The following AGBL4 variants were observed in gnomAD, a reference collection of about 807,000 sequenced individuals.
The protein encoded by AGBL4 is AGBL carboxypeptidase 4.
AGBL4 carries 58 observed loss-of-function variants against 66.4 expected under a neutral mutation model. The observed-to-expected ratio is 0.87, with a 90% CI of 0.71 to 1.09. The LOEUF is 1.09. Among genes scored for constraint, AGBL4 ranks in the 50% least tolerant of loss-of-function variants. The pLI is 0.00. For synonymous variants in AGBL4, 234 were observed against 222.9 expected (o/e 1.05, Z -0.44); for missense variants, 579 against 631.0 (o/e 0.92, Z 0.88).
rs370063420 is a variant in AGBL4, at chr1:49,332,679, A to G, written c.283-86815T>C. ...GTGAATCTTAGTAACATCAAGTTTAACAAGCCAGTTTCAGAAGAGTAATTA... is the reference window on the plus strand; with the variant it reads ...GTGAATCTTAGTAACATCAAGTTTAGCAAGCCAGTTTCAGAAGAGTAATTA... On this transcript the variant is annotated intron_variant, in intron 3 of 13. Transcript: ENST00000371839. Among the ~76,000 whole-genome samples, 52 of 152,352 alleles carry G rather than the reference A, an allele frequency of 3.4e-4. 1 individual carries two copies. The South Asian group carries it at 9.7e-3, about 29-fold the overall frequency.
chr1:48,878,605 C>G (rs1649449572), intron 5 of AGBL4, among the ~76,000 whole-genome samples: 1 of 152,092 alleles, frequency 6.6e-6, no homozygotes, highest in South Asian at 2.1e-4. Flanking sequence ...CAGACATTAT[C>G]ACTGTATATT....
At chr1:48,574,712 T>C (rs2798125) in intron 11 of AGBL4, among the ~76,000 whole-genome samples, 94,041 of 151,596 alleles carry the variant, frequency 0.62, 29,297 homozygotes, top group Non-Finnish European at 0.65. Flanking sequence ...TCTTGAGACA[T>C]ATCAACAAGC....
chr1:49,430,966 A>G (rs1019708598), intron 3 of AGBL4, among the ~76,000 whole-genome samples: 1 of 152,216 alleles, frequency 6.6e-6, no homozygotes, highest in Admixed American at 6.5e-5. Flanking sequence ...ACATAGGTGT[A>G]GATCACTAAT....
chr1:48,602,711 G>C (rs935711323), intron 9 of AGBL4, among the ~76,000 whole-genome samples: 6 of 151,112 alleles, frequency 4.0e-5, no homozygotes, highest in African/African-American at 1.5e-4. Flanking sequence ...TTTGGTGTAG[G>C]CAGCTGGAAG....
At position 49,045,576 on chromosome 1, in the gene AGBL4, G is replaced by T; in HGVS notation, c.594+8C>A. 1 of 1,601,808 alleles carries T rather than the reference G, an allele frequency of 6.2e-7. No individual in the cohort carries two copies. The highest frequency in any genetic ancestry group is 2.3e-5 in the East Asian group (1 of 44,430). On this transcript the variant is annotated splice_region_variant and intron_variant, in intron 5 of 13. Transcript: ENST00000371839. ...AAATGAGTAACCCAAACCTGGCACA[G>T]GCCTTACCACACTCTGGCCCAGCTG...
chr1:49,917,890 G>A (rs1373505850), intron 1 of AGBL4, among the ~76,000 whole-genome samples: 2 of 152,092 alleles, frequency 1.3e-5, no homozygotes, highest in Non-Finnish European at 2.9e-5. Flanking sequence ...CTCTCTCTCA[G>A]ACCACAGTGC....
chr1:49,816,506 A>T (rs1033798601), intron 2 of AGBL4, among the ~76,000 whole-genome samples: 2 of 151,836 alleles, frequency 1.3e-5, no homozygotes, highest in South Asian at 2.1e-4. Context: ...TGAAAAGTAG[A>T]TATGAGTATA....
intron 4 of AGBL4, among the ~76,000 whole-genome samples, chr1:49,074,561 A>G (rs947679334): frequency 1.3e-5 from 2 of 152,182 alleles, no homozygotes; most frequent in Non-Finnish European, 2.9e-5. Context: ...TGTTGGGCCC[A>G]TGCTAAGCCC....
At chr1:49,889,442 G>A (rs1648411030) in intron 1 of AGBL4, among the ~76,000 whole-genome samples, 1 of 152,044 alleles carries the variant, frequency 6.6e-6, no homozygotes, top group Admixed American at 6.6e-5. Flanking sequence ...TCTAATATAT[G>A]AGTGGGAAAA....
intron 9 of AGBL4, among the ~76,000 whole-genome samples, chr1:48,617,414 C>T (rs761325115): frequency 1.3e-5 from 2 of 152,178 alleles, no homozygotes; most frequent in Non-Finnish European, 2.9e-5. Context: ...TGCCCACAAA[C>T]CTCTAACAGT....
intron 3 of AGBL4, among the ~76,000 whole-genome samples, chr1:49,368,700 T>A (rs941656550): frequency 1.3e-5 from 2 of 152,174 alleles, no homozygotes; most frequent in Admixed American, 6.5e-5. Flanking sequence ...GTTCTTTTAG[T>A]CAGTCTAATA....
chr1:49,762,692 G>A (rs1174522326), intron 2 of AGBL4, among the ~76,000 whole-genome samples: 2 of 152,172 alleles, frequency 1.3e-5, no homozygotes, highest in African/African-American at 4.8e-5. Flanking sequence ...GATTACAGGC[G>A]TGAGCCACTG....
intron 3 of AGBL4, among the ~76,000 whole-genome samples, chr1:49,494,878 T>C (rs1246310380): frequency 6.6e-6 from 1 of 152,086 alleles, no homozygotes; most frequent in Non-Finnish European, 1.5e-5. Flanking sequence ...TGAACTAGTT[T>C]ACAGTCCCAC....
intron 6 of AGBL4, among the ~76,000 whole-genome samples, chr1:48,808,153 G>A (rs545059577): frequency 5.9e-5 from 9 of 152,258 alleles, no homozygotes; most frequent in African/African-American, 1.9e-4. Context: ...GGGACCCGGG[G>A]TAAGTCTTTT....
chr1:48,776,570 C>T (rs1570642525), intron 6 of AGBL4: 2 of 1,365,768 alleles, frequency 1.5e-6, no homozygotes, highest in Non-Finnish European at 1.9e-6. Flanking sequence ...CAGCCCCCGC[C>T]CGGGTCCCAC....
intron 7 of AGBL4, among the ~76,000 whole-genome samples, chr1:48,655,139 A>G (rs976579838): frequency 6.6e-6 from 1 of 152,220 alleles, no homozygotes; most frequent in African/African-American, 2.4e-5. Flanking sequence ...AGCTAATAAA[A>G]GAATGAGAGA....
At chr1:48,676,171 A>G (rs555846608) in intron 6 of AGBL4, among the ~76,000 whole-genome samples, 2 of 152,356 alleles carry the variant, frequency 1.3e-5, no homozygotes, top group African/African-American at 2.4e-5. Context: ...GGAGAGATGT[A>G]TAAATCACAG....
intron 11 of AGBL4, among the ~76,000 whole-genome samples, chr1:48,555,889 G>A (rs1209733955): frequency 6.6e-6 from 1 of 152,190 alleles, no homozygotes; most frequent in Non-Finnish European, 1.5e-5. Context: ...AAAGCATCAA[G>A]AATAGCACAC....
At position 49,759,867 on chromosome 1, in the gene AGBL4, C is replaced by G. The variant is rs1652173385; in HGVS notation, c.158-62430G>C. ...TGAAAGAAGCCAGGTATAAAATTCT[C>G]ATATTGTATTCCATTTATGTGAGAT... On this transcript the variant is annotated intron_variant, in intron 2 of 13. Transcript: ENST00000371839. Among the ~76,000 whole-genome samples, 4 of 152,240 alleles carry G rather than the reference C, an allele frequency of 2.6e-5. No homozygotes were observed. The South Asian group carries it at 8.3e-4, about 32-fold the overall frequency.
Sources: gnomAD v4.1 joint callset for allele counts (sites outside exome capture counted in the v4.1 genomes callset) on GRCh38, gnomAD v4.1.1 for gene constraint, MANE v1.5 for transcripts, NCBI Gene and HGNC (gene_info 2026-07-23, HGNC 2026-07-21) for gene names.